ABCA2: variants seen among roughly 807,000 people sequenced by gnomAD.
ABCA2 encodes the protein ATP-binding cassette sub-family A member 2.
In ABCA2, 84 loss-of-function variants were observed where a neutral mutation model predicts 262.8. That is an observed-to-expected ratio of 0.32 (90% confidence interval 0.27 to 0.38). ABCA2 has a LOEUF of 0.38. Ranked by LOEUF, ABCA2 falls within the 10% of genes least tolerant of loss-of-function variation. ABCA2 has a pLI of 1.00. For missense variants in ABCA2, 2,662 were observed against 3,405.9 expected (o/e 0.78, Z 5.44); for synonymous variants, 1,696 against 1,502.9 (o/e 1.13, Z -2.97).
rs1445445549 is a variant in ABCA2 at position 137,020,912 on chromosome 9, C to G, written c.1047G>C (p.Gln349His). The G allele has an allele frequency of 7.7e-6, 12 of 1,563,630 alleles. No individual in the cohort carries two copies. The highest frequency in any genetic ancestry group is 2.3e-5 in the East Asian group (1 of 42,786). Reference sequence around the variant, plus strand: ...CGGGGGTCCGGCCAGTGCAGGCACCCTGGGGCAGTAGCAGGGCCAGGGCCG... The same window carrying G: ...CGGGGGTCCGGCCAGTGCAGGCACCGTGGGGCAGTAGCAGGGCCAGGGCCG... ...VLSALALLLP[Q>H]GACTGRTPGP... The change falls in exon 9 of 49, where the codon CAG (glutamine) becomes CAC (histidine). Residue 349 changes from glutamine (Q) to histidine (H), a missense_variant. Physicochemically the swap from Gln to His is conservative, Grantham distance 24. Around this residue, in one of 12 missense-constraint regions of ABCA2, gnomAD observed 403 missense variants for 375.9 expected, o/e 1.07. Transcript: ENST00000341511.
intron 24 of ABCA2, 79 bp downstream of exon 24, chr9:137,015,335 C>A: frequency 1.4e-6 from 2 of 1,460,606 alleles, no homozygotes; most frequent in South Asian, 1.3e-5. Context: ...GAGGGCCCAG[C>A]CTCTCCATTG....
At chr9:137,023,465 G>C (rs770619902) in intron 3 of ABCA2, 1 of 720,952 alleles carries the variant, frequency 1.4e-6, no homozygotes, top group East Asian at 2.7e-5. Context: ...CAGAGTGAGT[G>C]CAAGAGCCTG....
intron 1 of ABCA2, among the ~76,000 whole-genome samples, chr9:137,024,587 C>A (rs895773148): frequency 6.6e-6 from 1 of 152,178 alleles, no homozygotes; most frequent in Non-Finnish European, 1.5e-5. Context: ...GCTACCTGGG[C>A]AAAATCTTGG....
Position 137,014,972 on chromosome 9 carries a change from G to A in ABCA2, c.3823C>T (p.Leu1275Phe), listed in dbSNP as rs1366575984. ...GCCTCGCTGGGCAGGATGTAGGAGA[G>A]CTCCGTGCTTGTGTCTGAGACCAGC... is the stretch of plus-strand genomic sequence containing the variant. ...CLLVSDTSTE[L>F]SYILPSEAAK... Residue 1275 changes from leucine (L) to phenylalanine (F), a missense_variant, in exon 25 of 49, where the codon CTC (leucine) becomes TTC (phenylalanine). By Grantham distance (22) the Leu-to-Phe change is conservative. Transcript: ENST00000341511. 3.2e-6 allele frequency: 5 copies of A among 1,579,376 alleles called. No individual in the cohort carries two copies. Among genetic ancestry groups the A allele is most frequent in the Non-Finnish European group, 4.3e-6 (5 of 1,162,416 alleles).
At chr9:137,024,105 C>T (rs1456570255) in intron 2 of ABCA2, 38 bp downstream of exon 2, 2 of 1,579,386 alleles carry the variant, frequency 1.3e-6, no homozygotes, top group East Asian at 2.3e-5. Context: ...AGGTGCCGCG[C>T]TCCCCCGGCT....
chr9:137,008,774 A>G lies in ABCA2; in HGVS notation c.7025T>C (p.Leu2342Pro). ...GCTGACCGAGTAGTCCTCGATGCCC[A>G]GCACGCCAGACACCTGCTCCATCTT... Reference protein sequence around the residue: ...FSKMEQVSGVLGIEDYSVSQT... With the variant: ...FSKMEQVSGVPGIEDYSVSQT... The change falls in exon 47 of 49, where the codon CTG (leucine) becomes CCG (proline). Residue 2342 changes from leucine (L) to proline (P), a missense_variant. Coordinates refer to ENST00000341511, the MANE Select transcript of ABCA2 (RefSeq NM_001606.5). 6.3e-7 allele frequency: 1 copy of G among 1,597,354 alleles called. No homozygotes were observed. Among genetic ancestry groups the G allele is most frequent in the Non-Finnish European group, 8.5e-7 (1 of 1,173,904 alleles).
At chr9:137,024,516 G>A (rs1831585575) in intron 1 of ABCA2, among the ~76,000 whole-genome samples, 1 of 152,220 alleles carries the variant, frequency 6.6e-6, no homozygotes, top group Non-Finnish European at 1.5e-5. Flanking sequence ...AAATCGGCCA[G>A]CTTGTGGTCT....
At chr9:137,023,973 G>T in intron 2 of ABCA2, 133 bp from the exon 3 acceptor site, 1 of 1,531,136 alleles carries the variant, frequency 6.5e-7, no homozygotes, top group Non-Finnish European at 8.8e-7. Flanking sequence ...GGCCAGCCCC[G>T]ACCTCCACAG....
Position 137,017,255 on chromosome 9 carries a change from C to T in ABCA2, c.2494G>A (p.Val832Met). 1.2e-6 allele frequency: 2 copies of T among 1,612,686 alleles called. No individual in the cohort carries two copies. Among genetic ancestry groups the T allele is most frequent in the Middle Eastern group, 1.6e-4 (1 of 6,062 alleles). The change falls in exon 18 of 49, where the codon GTG becomes ATG. Residue 832 changes from valine (V) to methionine (M), a missense_variant. By Grantham distance (21) the Val-to-Met change is conservative. Transcript: ENST00000341511. ...TGCGCCACCTCCTCTCGGATCGCCA[C>T]GTACATGTAGGGCACGTAGCTCAGG... The part of the protein sequence containing the change: ...YFLSYVPYMY[V>M]AIREEVAHDK...
chr9:137,022,232 G>A, intron 6 of ABCA2, 119 bp downstream of exon 6: 13 of 1,261,836 alleles, frequency 1.0e-5, no homozygotes, highest in Non-Finnish European at 1.3e-5. Context: ...GATGGTGGGG[G>A]CAAGGTTCAG....
Position 137,017,915 on chromosome 9 carries a change from G to A in ABCA2, c.2097-14C>T, listed in dbSNP as rs746446327. The stretch of plus-strand genomic sequence containing the variant: ...ACAAACAGGAAGCTGCGGGGAGGCC[G>A]CGCTCAGGCGCCACTCAGCCCCAGC... On this transcript the variant is annotated splice_polypyrimidine_tract_variant and intron_variant, in intron 15 of 48. Coordinates refer to ENST00000341511, the MANE Select transcript of ABCA2 (RefSeq NM_001606.5). The A allele has an allele frequency of 3.3e-5, 53 of 1,612,198 alleles. No homozygotes were observed. The Admixed American group carries it at 6.0e-4, about 18-fold the overall frequency.
rs1230682799 is a variant in ABCA2, at chr9:137,009,656, T to C, written c.6631-12A>G. 1 of 1,612,500 alleles carries C rather than the reference T, an allele frequency of 6.2e-7. No individual in the cohort carries two copies. Among genetic ancestry groups the C allele is most frequent in the South Asian group, 1.1e-5 (1 of 91,074 alleles). ...GTGGTGGGCTCGTCCTGGGGATGGG[T>C]GGCAGGCTCAGCTGCTGCCAGGCCC... is the stretch of plus-strand genomic sequence containing the variant. On this transcript the variant is annotated splice_polypyrimidine_tract_variant and intron_variant, in intron 43 of 48. Transcript: ENST00000341511.
Position 137,021,586 on chromosome 9 carries a change from G to A in ABCA2, c.703C>T (p.Leu235=), listed in dbSNP as rs761459653. The stretch of plus-strand genomic sequence containing the variant: ...CCCGGCGTGCAGGTGAGCTGCTCCA[G>A]GAGGGCAGGAGCCAGCAGCAGCTCC... The part of the protein sequence containing the change: ...MEELLLAPAL[L]EQLTCTPGSG... The change falls in exon 8 of 49, where the codon CTG becomes TTG. Residue 235 remains leucine, a synonymous_variant. Transcript: ENST00000341511. This position sits in a 1 kb window ranked among gnomAD's most constrained non-coding sequence, Gnocchi z 6.0. The A allele has an allele frequency of 2.6e-6, 4 of 1,561,690 alleles. No homozygotes were observed. In the South Asian group the frequency reaches 4.7e-5, roughly 18 times the overall value.
Position 137,010,111 on chromosome 9 carries a change from G to T in ABCA2, c.6367C>A (p.Leu2123Met). The T allele has an allele frequency of 1.9e-6, 3 of 1,594,944 alleles. No homozygotes were observed. Among genetic ancestry groups the T allele is most frequent in the Non-Finnish European group, 2.6e-6 (3 of 1,176,038 alleles). ...FVNGHSVLKE[L>M]LQVQQSLGYC... ...CCGAGGCTCTGCTGCACCTGGAGCA[G>T]CTCCTTCAGCACGCTGGGGACACGG... Residue 2123 changes from leucine to methionine, a missense_variant, in exon 42 of 49, where the codon CTG becomes ATG. Leu to Met is a conservative substitution (Grantham distance 15, BLOSUM62 2). Coordinates refer to ENST00000341511, the MANE Select transcript of ABCA2 (RefSeq NM_001606.5).
upstream of ABCA2, chr9:137,028,837 C>G: frequency 7.6e-7 from 1 of 1,316,778 alleles, no homozygotes; most frequent in South Asian, 1.2e-5. The surrounding 1 kb of genome is among the most constrained non-coding windows in gnomAD (Gnocchi z 6.9). Flanking sequence ...GGGACCGAGG[C>G]GGCCCCTGCT....
rs759663586 is a variant in ABCA2, at chr9:137,012,822, G to C, written c.4971C>G (p.Gly1657=). ...GTGFSCPSSV[G]GHPPQMRVVT... ...CCACCCGCATCTGGGGCGGGTGCCC[G>C]CCCACACTGCTGGGGCAGGAGAAGC... The change falls in exon 31 of 49, where the codon GGC becomes GGG. Residue 1657 remains glycine, a synonymous_variant. Coordinates refer to ENST00000341511, the MANE Select transcript of ABCA2 (RefSeq NM_001606.5). 1 of 1,611,174 alleles carries C rather than the reference G, an allele frequency of 6.2e-7. No homozygotes were observed. Among genetic ancestry groups the C allele is most frequent in the Non-Finnish European group, 8.5e-7 (1 of 1,179,340 alleles).
Position 137,019,301 on chromosome 9 carries a change from G to T in ABCA2, c.1431C>A (p.Asn477Lys), listed in dbSNP as rs775011038. Reference protein sequence around the residue: ...SEVDRVILKANETFAFVGNVT... With the variant: ...SEVDRVILKAKETFAFVGNVT... ...CGTTGCCCACAAAAGCAAAAGTCTC[G>T]TTGGCCTGCAGGGGGTGAGGCAGGG... Residue 477 changes from asparagine (N) to lysine (K), a missense_variant, in exon 11 of 49, where the codon AAC becomes AAA. Asn to Lys is a moderately conservative substitution (Grantham distance 94, BLOSUM62 0). This residue lies in a region of ABCA2 where 92 missense variants were observed against 146.7 expected (regional missense o/e 0.63). Transcript: ENST00000341511. The surrounding 1 kb of genome is among the most constrained non-coding windows in gnomAD (Gnocchi z 4.4). The T allele has an allele frequency of 6.2e-7, 1 of 1,612,528 alleles. No homozygotes were observed. Among genetic ancestry groups the T allele is most frequent in the Non-Finnish European group, 8.5e-7 (1 of 1,179,808 alleles).
In ABCA2 at chr9:137,017,756, G is replaced by A. The variant is rs764018506; in HGVS notation, c.2211+31C>T. 11 of 1,610,382 alleles carry A rather than the reference G, an allele frequency of 6.8e-6. No homozygotes were observed. The South Asian group carries it at 8.8e-5, about 13-fold the overall frequency. Reference sequence around the variant, plus strand: ...GGACGCCGCCCCTCCCTGCCAGCCCGCGCCTCCAGGGAGAGTCCCGGCCCG... The same window carrying A: ...GGACGCCGCCCCTCCCTGCCAGCCCACGCCTCCAGGGAGAGTCCCGGCCCG... On this transcript the variant is annotated intron_variant, in intron 16 of 48. Coordinates refer to ENST00000341511, the MANE Select transcript of ABCA2 (RefSeq NM_001606.5).
Position 137,021,715 on chromosome 9 carries a change from G to C in ABCA2, c.679-105C>G, listed in dbSNP as rs1188804680. The C allele has an allele frequency of 1.5e-6, 2 of 1,335,908 alleles. No homozygotes were observed. The highest frequency in any genetic ancestry group is 2.1e-6 in the Non-Finnish European group (2 of 973,544). 82.8% of individuals were successfully genotyped at this position (1,335,908 alleles called of 1,614,324 possible). On this transcript the variant is annotated intron_variant, in intron 7 of 48. Coordinates refer to ENST00000341511, the MANE Select transcript of ABCA2 (RefSeq NM_001606.5). This position sits in a 1 kb window ranked among gnomAD's most constrained non-coding sequence, Gnocchi z 6.0. ...CCACCCACTGGCTGGCTCTGGGGCT[G>C]CCTGGGTCCCACGACATGCCTCTAC...
Sources: allele counts gnomAD v4.1 joint callset (sites outside exome capture counted in the v4.1 genomes callset), GRCh38; gene constraint gnomAD v4.1.1; regional missense constraint gnomAD v4.1.1; non-coding constraint Gnocchi (gnomAD v3.1); transcripts MANE v1.5; gene names NCBI Gene and HGNC (gene_info 2026-07-23, HGNC 2026-07-21).